UVSSA: variants seen among roughly 807,000 people sequenced by gnomAD.
UVSSA encodes UV stimulated scaffold protein A.
Under a neutral mutation model 73.9 loss-of-function variants are expected in UVSSA, and 72 were observed. The observed-to-expected ratio is 0.97, with a 90% CI of 0.81 to 1.19. UVSSA has a LOEUF of 1.19. Among genes scored for constraint, UVSSA ranks in the 50% most tolerant of loss-of-function variants. The pLI is 0.00. For synonymous variants in UVSSA, 454 were observed against 391.3 expected (o/e 1.16, Z -1.89); for missense variants, 1,150 against 965.0 (o/e 1.19, Z -2.54).
exon 14 of UVSSA, chr4:1,394,392 T>C: frequency 2.0e-6 from 3 of 1,496,444 alleles, no homozygotes; most frequent in African/African-American, 1.4e-5. Context: ...TCTAGTACTT[T>C]TATGGGTTTC....
chr4:1,375,541 T>TGGG, intron 9 of UVSSA, 33 bp downstream of exon 9: 1 of 1,592,618 alleles, frequency 6.3e-7, no homozygotes, highest in Non-Finnish European at 8.5e-7. Context: ...CTGAGCCCCC[T>TGGG]GCCCGGCGCT....
At chr4:1,381,271 G>T (rs192246778) in intron 12 of UVSSA, among the ~76,000 whole-genome samples, 1 of 152,256 alleles carries the variant, frequency 6.6e-6, no homozygotes, top group Non-Finnish European at 1.5e-5. Context: ...GGTGCCATCT[G>T]TGTGGCTGGG....
In UVSSA at chr4:1,383,917, C is replaced by T. The variant is rs769677100; in HGVS notation, c.2013C>T (p.Arg671=). 6.2e-7 allele frequency: 1 copy of T among 1,612,772 alleles called. No homozygotes were observed. Among genetic ancestry groups the T allele is most frequent in the Non-Finnish European group, 8.5e-7 (1 of 1,179,776 alleles). ...CTCAGGCTGATACCGCCCGCGCTCG[C>T]ATTGGGAGAAAAGTCTTCGCCAAGT... The part of the protein sequence containing the change: ...LKAQADTARA[R]IGRKVFAKAA... Residue 671 remains arginine, a synonymous_variant, in exon 13 of 14, where the codon CGC becomes CGT. Coordinates refer to ENST00000389851, the MANE Select transcript of UVSSA (RefSeq NM_020894.4).
intron 8 of UVSSA, among the ~76,000 whole-genome samples, chr4:1,372,967 G>T (rs1403950061): frequency 1.3e-5 from 2 of 151,890 alleles, no homozygotes; most frequent in African/African-American, 4.8e-5. Context: ...TGTGACTACT[G>T]GCTCTGAAGG....
In UVSSA at chr4:1,351,457, C is replaced by T. The variant is rs535599923; in HGVS notation, c.430-258C>T. ...CTGGAGTGCAGTGGTGCGATCTTGG[C>T]TCACTGCAAGCTCCGCCTCCCGGGT... On this transcript the variant is annotated intron_variant, in intron 3 of 13. Transcript: ENST00000389851. 4.0e-3 allele frequency among the ~76,000 whole-genome samples: 598 copies of T among 151,256 alleles called. 6 individuals carry two copies. The highest frequency in any genetic ancestry group is 7.2e-3 in the Non-Finnish European group (489 of 67,822).
intron 13 of UVSSA, chr4:1,384,731 A>C (rs1372419471): frequency 6.6e-6 from 1 of 152,272 alleles, no homozygotes; most frequent in Non-Finnish European, 1.5e-5. Context: ...GCCATCCCAG[A>C]AACCCTCCCT....
chr4:1,380,201 C>A lies in UVSSA; in HGVS notation c.1723C>A (p.Arg575=). 2 of 1,612,508 alleles carry A rather than the reference C, an allele frequency of 1.2e-6. No individual in the cohort carries two copies. The highest frequency in any genetic ancestry group is 1.3e-5 in the African/African-American group (1 of 75,050). Residue 575 remains arginine (R), a synonymous_variant, in exon 11 of 14, where the codon CGG becomes AGG. Transcript: ENST00000389851. ...HWCRAPRPDG[R]LCERQDRLKC... is the part of the protein sequence containing the mutation. Reference sequence around the variant, plus strand: ...GTGCCGTGCCCCGAGGCCAGACGGCCGGCTCTGTGAGCGCCAAGACCGGCT... The same window carrying A: ...GTGCCGTGCCCCGAGGCCAGACGGCAGGCTCTGTGAGCGCCAAGACCGGCT...
chr4:1,380,810 G>A (rs1369956394), intron 11 of UVSSA, 70 bp from the exon 12 acceptor site: 40 of 1,593,226 alleles, frequency 2.5e-5, no homozygotes, highest in Non-Finnish European at 3.1e-5. Flanking sequence ...CCAAGTCGTG[G>A]TGGTGGGGGG....
downstream of UVSSA, chr4:1,390,189 T>C (rs1440890610): frequency 6.6e-6 from 1 of 152,214 alleles, no homozygotes; most frequent in African/African-American, 2.4e-5. Context: ...AATCTAAAAG[T>C]ATATTCTGAT....
intron 2 of UVSSA, among the ~76,000 whole-genome samples, 155 bp from the exon 3 acceptor site, chr4:1,349,369 A>G (rs907742020): frequency 7.1e-4 from 108 of 152,308 alleles, no homozygotes; most frequent in African/African-American, 2.4e-3. Flanking sequence ...CTTGGGCAGT[A>G]GTTTGCAGAC....
At chr4:1,382,489 G>A (rs149999135) in intron 12 of UVSSA, among the ~76,000 whole-genome samples, 8 of 152,332 alleles carry the variant, frequency 5.3e-5, no homozygotes, top group Non-Finnish European at 1.2e-4. Context: ...GGAAGGCCGC[G>A]CGGTCCCAGC....
intron 5 of UVSSA, among the ~76,000 whole-genome samples, chr4:1,354,130 G>A (rs998577493): frequency 1.3e-5 from 2 of 152,378 alleles, no homozygotes; most frequent in East Asian, 1.9e-4. Context: ...GGAAGCTGCT[G>A]GGAGAACTGA....
At chr4:1,378,815 T>C (rs1344614642) in intron 10 of UVSSA, among the ~76,000 whole-genome samples, 1 of 152,200 alleles carries the variant, frequency 6.6e-6, no homozygotes, top group Non-Finnish European at 1.5e-5. Flanking sequence ...CCTCCTTGAC[T>C]GCGGGGCACA....
chr4:1,349,674 C>T lies in UVSSA; in HGVS notation c.249C>T (p.Phe83=), dbSNP rs1714371138. Residue 83 remains phenylalanine, a synonymous_variant, in exon 3 of 14, where the codon TTC becomes TTT. Coordinates refer to ENST00000389851, the MANE Select transcript of UVSSA (RefSeq NM_020894.4). ...HQFRMLVVSN[F]QEFLELTLGT... The stretch of plus-strand genomic sequence containing the variant: ...TCCGGATGCTGGTTGTTTCCAACTT[C>T]CAGGAGTTCCTGGAGCTCACGCTGG... 6.2e-7 allele frequency: 1 copy of T among 1,613,892 alleles called. No homozygotes were observed. Among genetic ancestry groups the T allele is most frequent in the South Asian group, 1.1e-5 (1 of 91,086 alleles).
chr4:1,395,841 G>T, exon 14 of UVSSA: 5 of 1,613,294 alleles, frequency 3.1e-6, no homozygotes, highest in Non-Finnish European at 3.4e-6. Flanking sequence ...TCTGCACCTC[G>T]AGATAACGTA....
Position 1,380,935 on chromosome 4 carries a change from CG to C in UVSSA, c.1810del (p.Glu604LysfsTer24), listed in dbSNP as rs1560484544. ...PRDDEGRPLD[P>X]EDRAREQRRQ... ...GACGACGAAGGACGGCCGCTCGACCCGGAAGACAGGGCTCGTGAGCAGCGGC... is the reference window on the plus strand; with the variant it reads ...GACGACGAAGGACGGCCGCTCGACCCGAAGACAGGGCTCGTGAGCAGCGGC... On this transcript the variant is annotated frameshift_variant, in exon 12 of 14. Coordinates refer to ENST00000389851, the MANE Select transcript of UVSSA (RefSeq NM_020894.4). LOFTEE classifies it high-confidence loss of function. 1 of 1,613,046 alleles carries C rather than the reference CG, an allele frequency of 6.2e-7. No homozygotes were observed. Among genetic ancestry groups the C allele is most frequent in the South Asian group, 1.1e-5 (1 of 91,076 alleles).
At position 1,352,994 on chromosome 4, in the gene UVSSA, A is replaced by G. The variant is rs747325423; in HGVS notation, c.551-36A>G. On this transcript the variant is annotated intron_variant, in intron 4 of 13. Coordinates refer to ENST00000389851, the MANE Select transcript of UVSSA (RefSeq NM_020894.4). ...GAGTGGGCTGGTGCTTTTGCTCCAC[A>G]TAGCGCAGCAAACAGGTGTCTTGAT... 2.4e-5 allele frequency: 38 copies of G among 1,580,006 alleles called. 2 individuals are homozygous for G. The highest frequency in any genetic ancestry group is 4.5e-5 in the East Asian group (2 of 44,622).
Position 1,347,762 on chromosome 4 carries a change from T to G in UVSSA, c.-3+2T>G, listed in dbSNP as rs1577266642. ...TGGAGGCTGCCCTGCGGAATCTGAG[T>G]GAATAAGGGAAACAGCAACAGTCAC... On this transcript the variant is annotated splice_donor_variant, in intron 1 of 13. Coordinates refer to ENST00000389851, the MANE Select transcript of UVSSA (RefSeq NM_020894.4). LOFTEE classifies it low-confidence loss of function (5UTR_SPLICE). 4.1e-6 allele frequency: 1 copy of G among 244,872 alleles called. No individual in the cohort carries two copies. The highest frequency in any genetic ancestry group is 5.6e-5 in the South Asian group (1 of 17,762). The allele number at this position is 244,872 out of a possible 1,614,324, so 15.2% of individuals were successfully genotyped here. A position where few individuals can be genotyped will look rare whatever the true frequency, so the allele number is the denominator to read the frequency against.
rs376616367 is a variant in UVSSA, at chr4:1,351,084, A to G, written c.430-631A>G. Among the ~76,000 whole-genome samples, 3 of 149,136 alleles carry G rather than the reference A, an allele frequency of 2.0e-5. No individual in the cohort carries two copies. The East Asian group carries it at 5.9e-4, about 30-fold the overall frequency. On this transcript the variant is annotated intron_variant, in intron 3 of 13. Coordinates refer to ENST00000389851, the MANE Select transcript of UVSSA (RefSeq NM_020894.4). ...CCACACCTGGCTATTTTTTGTTTTT[A>G]AGATGGAGTATTGCTTTGTTGCCCA... is the stretch of plus-strand genomic sequence containing the variant.
Sources: allele counts gnomAD v4.1 joint callset (sites outside exome capture counted in the v4.1 genomes callset), GRCh38; gene constraint gnomAD v4.1.1; transcripts MANE v1.5; gene names NCBI Gene and HGNC (gene_info 2026-07-23, HGNC 2026-07-21).